The following ESD variants were observed in gnomAD, a reference collection of about 807,000 sequenced individuals.
The protein encoded by ESD is S-formylglutathione hydrolase.
A neutral mutation model predicts 38.1 loss-of-function variants in ESD; 34 were observed. The observed-to-expected ratio is 0.89, with a 90% confidence interval of 0.68 to 1.19. The LOEUF (loss-of-function observed/expected upper bound fraction) is 1.19, where lower values mean the gene tolerates loss of function less well. Among genes scored for constraint, ESD ranks in the 50% most tolerant of loss-of-function variants. The probability of loss-of-function intolerance (pLI) is 0.00; values close to 1 mark genes in which losing one functional copy is unlikely to be tolerated. For missense variants in ESD, 334 were observed against 327.2 expected (o/e 1.02, Z -0.16); for synonymous variants, 97 against 107.0 (o/e 0.91, Z 0.58).
intron 4 of ESD, among the ~76,000 whole-genome samples, chr13:46,786,754 T>TA (rs2138298299): frequency 6.6e-6 from 1 of 152,096 alleles, no homozygotes; most frequent in East Asian, 1.9e-4. Context: ...ATTAAGTAAA[T>TA]AAGTTTTCTA....
intron 1 of ESD, among the ~76,000 whole-genome samples, chr13:46,795,907 C>T (rs1307297883): frequency 1.3e-5 from 2 of 152,070 alleles, no homozygotes; most frequent in South Asian, 4.1e-4. Flanking sequence ...GGTGGCACCA[C>T]CATGCCCAGG....
intron 1 of ESD, among the ~76,000 whole-genome samples, chr13:46,795,061 T>C (rs2138309158): frequency 6.6e-6 from 1 of 152,342 alleles, no homozygotes; most frequent in East Asian, 1.9e-4. Context: ...CTTCTGCATC[T>C]CACCTTCAAA....
chr13:46,771,848 C>A (rs1874617415), intron 9 of ESD, among the ~76,000 whole-genome samples: 1 of 151,884 alleles, frequency 6.6e-6, no homozygotes, highest in Non-Finnish European at 1.5e-5. Flanking sequence ...ATTAAATATG[C>A]AGAGTAGACA....
At chr13:46,787,415 T>C (rs1016856016) in intron 3 of ESD, among the ~76,000 whole-genome samples, 1 of 151,952 alleles carries the variant, frequency 6.6e-6, no homozygotes, top group African/African-American at 2.4e-5. Context: ...AAAAAATAGT[T>C]TTTGTTTCTA....
chr13:46,791,995 AT>A (rs1321712032), intron 2 of ESD, among the ~76,000 whole-genome samples: 1 of 152,054 alleles, frequency 6.6e-6, no homozygotes, highest in Non-Finnish European at 1.5e-5. Flanking sequence ...ATCAACATTT[AT>A]TTCTCCTTTT....
chr13:46,784,333 G>A lies in ESD; in HGVS notation c.175C>T (p.Gln59Ter). ...TAACCAGATTTTGATATAAAATTTT[G>A]CTCTGTGCAAGTTAAACCTGAAGAT... ...YWLSGLTCTE[Q>*]NFISKSGYHQ... The change falls in exon 5 of 10, where the codon CAA (glutamine) becomes TAA (stop). Residue 59 changes from glutamine (Q) to a stop codon, truncating the protein, a stop_gained. Transcript: ENST00000378720. LOFTEE classifies it high-confidence loss of function. The A allele has an allele frequency of 6.2e-7, 1 of 1,610,386 alleles. No homozygotes were observed. The highest frequency in any genetic ancestry group is 1.7e-4 in the Middle Eastern group (1 of 6,052).
chr13:46,786,973 A>G (rs1412575371), intron 4 of ESD, 48 bp downstream of exon 4: 3 of 1,248,616 alleles, frequency 2.4e-6, no homozygotes, highest in Non-Finnish European at 3.2e-6. Flanking sequence ...AAGCCAGTTA[A>G]AAAGAAAATA....
At position 46,771,373 on chromosome 13, in the gene ESD, C is replaced by A; in HGVS notation, c.*43G>T. 6 of 1,241,678 alleles carry A rather than the reference C, an allele frequency of 4.8e-6. No individual in the cohort carries two copies. Among genetic ancestry groups the A allele is most frequent in the Middle Eastern group, 2.2e-4 (1 of 4,478 alleles). 76.9% of individuals were successfully genotyped at this position (1,241,678 alleles called of 1,614,324 possible). A position where few individuals can be genotyped will look rare whatever the true frequency, so the allele number is the denominator to read the frequency against. On this transcript the variant is annotated 3_prime_UTR_variant, in exon 10 of 10. Coordinates refer to ENST00000378720, the MANE Select transcript of ESD (RefSeq NM_001984.2). ...TGCTCAGCAATACAGTTGCATTTTA[C>A]AACTTTTATAATCCTGAAGAGATTC...
chr13:46,791,350 C>T lies in ESD; in HGVS notation c.64G>A (p.Asp22Asn), dbSNP rs1243311414. ...FGGLQKVFEH[D>N]SVELNCKMKF... ...TTATATCTTCTTAATAGTTACCTGT[C>T]ATGTTCAAAAACTTTCTGCAATCCC... The change falls in exon 3 of 10, where the codon GAC becomes AAC. Residue 22 changes from aspartate to asparagine, a missense_variant. Asp to Asn is a conservative substitution (Grantham distance 23). Transcript: ENST00000378720. 6.2e-7 allele frequency: 1 copy of T among 1,610,648 alleles called. No homozygotes were observed.
chr13:46,794,696 A>T (rs1346059065), intron 1 of ESD, among the ~76,000 whole-genome samples: 1 of 151,970 alleles, frequency 6.6e-6, no homozygotes, highest in Non-Finnish European at 1.5e-5. Flanking sequence ...AGGATGTCCT[A>T]TTCCACTGGC....
At chr13:46,785,513 C>T (rs1875163131) in intron 4 of ESD, 1 of 152,002 alleles carries the variant, frequency 6.6e-6, no homozygotes, top group African/African-American at 2.4e-5. Flanking sequence ...GTTTTGATTT[C>T]AGCTAATTTC....
chr13:46,790,890 T>C (rs1875373173), intron 3 of ESD, among the ~76,000 whole-genome samples: 1 of 152,170 alleles, frequency 6.6e-6, no homozygotes, highest in Non-Finnish European at 1.5e-5. Flanking sequence ...TGTCTCCTGC[T>C]TCTTTATGCC....
chr13:46,791,225 G>C (rs558715567), intron 3 of ESD, 121 bp downstream of exon 3: 1 of 680,510 alleles, frequency 1.5e-6, no homozygotes, highest in Admixed American at 3.0e-5. Context: ...CACAGAAAGA[G>C]AGTAAGCAAG....
At chr13:46,785,778 T>G (rs1875173425) in intron 4 of ESD, 1 of 152,038 alleles carries the variant, frequency 6.6e-6, no homozygotes. Flanking sequence ...AGCTCAGATA[T>G]GTCTTGCTAG....
At chr13:46,780,707 T>C (rs1239478631) in intron 7 of ESD, among the ~76,000 whole-genome samples, 1 of 151,660 alleles carries the variant, frequency 6.6e-6, no homozygotes, top group Non-Finnish European at 1.5e-5. Context: ...GGCCATGAAT[T>C]AATAAAACTT....
At chr13:46,791,208 A>G (rs1314729015) in intron 3 of ESD, 138 bp downstream of exon 3, 3 of 620,006 alleles carry the variant, frequency 4.8e-6, no homozygotes, top group Admixed American at 3.3e-5. Context: ...ATTGTCAAAT[A>G]CATAACCACA....
chr13:46,792,841 A>T (rs1379240288), intron 2 of ESD, among the ~76,000 whole-genome samples: 5 of 152,062 alleles, frequency 3.3e-5, no homozygotes, highest in Non-Finnish European at 7.4e-5. Context: ...ATATTAATAC[A>T]TATATATGAG....
intron 3 of ESD, among the ~76,000 whole-genome samples, chr13:46,788,111 T>C (rs1875259305): frequency 6.6e-6 from 1 of 152,070 alleles, no homozygotes; most frequent in Non-Finnish European, 1.5e-5. Flanking sequence ...TATTCAGAGA[T>C]AAGCCATGTA....
chr13:46,779,799 T>C (rs1263015084), intron 8 of ESD, 136 bp downstream of exon 8: 2 of 223,636 alleles, frequency 8.9e-6, no homozygotes, highest in East Asian at 1.3e-4. Context: ...TATATATCGA[T>C]ATATATATAT....
Sources: gnomAD v4.1 joint callset for allele counts (sites outside exome capture counted in the v4.1 genomes callset) on GRCh38, gnomAD v4.1.1 for gene constraint, MANE v1.5 for transcripts, NCBI Gene and HGNC (gene_info 2026-07-23, HGNC 2026-07-21) for gene names.